The following GALC variants were observed in gnomAD, a reference collection of about 807,000 sequenced individuals.
GALC encodes the protein galactocerebrosidase.
In GALC, 77 loss-of-function variants were observed where a neutral mutation model predicts 91.8. The observed-to-expected ratio is 0.84, with a 90% CI of 0.70 to 1.01. The LOEUF (loss-of-function observed/expected upper bound fraction) is 1.01. Ranked by LOEUF, GALC falls within the 50% of genes least tolerant of loss-of-function variation. The pLI is 0.00. For synonymous variants in GALC, 357 were observed against 306.7 expected, an observed-to-expected ratio of 1.16 and a Z score of -1.71; for missense variants, 882 against 855.9, an observed-to-expected ratio of 1.03 and a Z score of -0.38.
intron 10 of GALC, chr14:87,955,020 C>A: frequency 7.3e-7 from 1 of 1,366,060 alleles, no homozygotes; most frequent in South Asian, 1.2e-5. Flanking sequence ...CCTCAGAGAT[C>A]ACCTATGGGA....
intron 16 of GALC, among the ~76,000 whole-genome samples, chr14:87,937,594 A>T (rs1336939427): frequency 6.6e-6 from 1 of 151,908 alleles, no homozygotes; most frequent in Non-Finnish European, 1.5e-5. Flanking sequence ...CATTGTATTA[A>T]AGACACACCA....
chr14:87,955,384 T>G (rs1885489594), intron 10 of GALC, among the ~76,000 whole-genome samples: 1 of 152,108 alleles, frequency 6.6e-6, no homozygotes, highest in Admixed American at 6.6e-5. Flanking sequence ...TTATTTTTGT[T>G]TTTTGGTTTC....
chr14:87,990,992 T>C (rs1887174405), intron 1 of GALC, among the ~76,000 whole-genome samples: 1 of 152,104 alleles, frequency 6.6e-6, no homozygotes, highest in South Asian at 2.1e-4. Context: ...CAAGACATCA[T>C]CCTAAGTACT....
At chr14:87,953,177 G>A in intron 10 of GALC, 1 of 1,475,244 alleles carries the variant, frequency 6.8e-7, no homozygotes, top group Non-Finnish European at 9.4e-7. Context: ...GCAGCAGTTA[G>A]GAAGGTCTCA....
chr14:87,980,064 G>C (rs983463144), intron 6 of GALC, among the ~76,000 whole-genome samples: 1 of 151,996 alleles, frequency 6.6e-6, no homozygotes, highest in Non-Finnish European at 1.5e-5. Flanking sequence ...CCTTCTCCAC[G>C]CCTACAACTA....
In GALC at chr14:87,950,753, A is replaced by G. The variant is rs2139963791; in HGVS notation, c.1162-5T>C. The G allele has an allele frequency of 1.7e-6, 2 of 1,207,912 alleles. No individual in the cohort carries two copies. The highest frequency in any genetic ancestry group is 2.1e-6 in the Non-Finnish European group (2 of 933,120). The allele number at this position is 1,207,912 out of a possible 1,614,324, so 74.8% of individuals were successfully genotyped here. ...GCACTTAGAATGTTTATGACTCTGA[A>G]AAAAAAAAATCACATACATTATCCA... On this transcript the variant is annotated splice_polypyrimidine_tract_variant and splice_region_variant and intron_variant, in intron 10 of 16. Transcript: ENST00000261304.
chr14:87,988,185 T>C lies in GALC; in HGVS notation c.287A>G (p.His96Arg), dbSNP rs748593957. The change falls in exon 3 of 17, where the codon CAT (histidine) becomes CGT (arginine). Residue 96 changes from histidine to arginine, a missense_variant. By Grantham distance (29) the His-to-Arg change is conservative. Coordinates refer to ENST00000261304, the MANE Select transcript of GALC (RefSeq NM_000153.4). ...ACCACCTATTTCCACTTTTAAAATA[T>C]GCAAAGAGGCACCAAAATTCGGCTG... The part of the protein sequence containing the change: ...LFKPNFGASL[H>R]ILKVEIGGDG... The C allele has an allele frequency of 5.6e-6, 9 of 1,613,814 alleles. No individual in the cohort carries two copies. In the South Asian group the frequency reaches 9.9e-5, roughly 18 times the overall value.
Position 87,936,342 on chromosome 14 carries a change from A to G in GALC, c.1912-1464T>C, listed in dbSNP as rs72629365. On this transcript the variant is annotated intron_variant, in intron 16 of 16. Coordinates refer to ENST00000261304, the MANE Select transcript of GALC (RefSeq NM_000153.4). ...TATTATCTCAGGATAGGGCTCAGCA[A>G]ACTATGACCTACATGCCAACCGCCC... Among the ~76,000 whole-genome samples, 1,625 of 152,132 alleles carry G rather than the reference A, an allele frequency of 0.011. 60 individuals are homozygous for G. In the East Asian group the frequency reaches 0.12, roughly 11 times the overall value.
chr14:87,953,250 T>A (rs1885385353), intron 10 of GALC: 1 of 1,506,470 alleles, frequency 6.6e-7, no homozygotes, highest in African/African-American at 1.4e-5. Flanking sequence ...AGGTTGCTTT[T>A]TTAGCTCAAA....
At chr14:87,966,012 T>C (rs1284534477) in intron 8 of GALC, among the ~76,000 whole-genome samples, 2 of 152,226 alleles carry the variant, frequency 1.3e-5, no homozygotes, top group Non-Finnish European at 2.9e-5. Flanking sequence ...GCCTTCTTAA[T>C]GCCCCAGTTT....
chr14:87,976,315 A>T, intron 7 of GALC, 43 bp downstream of exon 7: 1 of 1,609,540 alleles, frequency 6.2e-7, no homozygotes, highest in Non-Finnish European at 8.5e-7. Flanking sequence ...ACACAGAGCA[A>T]GCAATCAGAA....
intron 12 of GALC, 127 bp from the exon 13 acceptor site, chr14:87,948,005 T>G (rs947700645): frequency 6.0e-6 from 5 of 830,704 alleles, no homozygotes; most frequent in Non-Finnish European, 7.7e-6. Context: ...TCCTAAACAT[T>G]TGTGGAAAAC....
chr14:87,945,832 T>TTAAA (rs1885050838), intron 13 of GALC, 99 bp from the exon 14 acceptor site: 1 of 890,326 alleles, frequency 1.1e-6, no homozygotes. Flanking sequence ...CTGAAAGCTT[T>TTAAA]TAAATAAATA....
At chr14:87,952,424 G>A (rs74636131) in intron 10 of GALC, 55,303 of 434,698 alleles carry the variant, frequency 0.13, 4,225 homozygotes, top group Non-Finnish European at 0.16. Context: ...AAAAATAATG[G>A]AGGTTTTGGT....
intron 10 of GALC, among the ~76,000 whole-genome samples, chr14:87,956,937 G>T (rs1218823179): frequency 6.6e-6 from 1 of 150,860 alleles, no homozygotes; most frequent in Non-Finnish European, 1.5e-5. Flanking sequence ...ATTGTTTTTT[G>T]ATGTTTCTTA....
chr14:87,986,711 C>A (rs1886991412), intron 3 of GALC, 109 bp from the exon 4 acceptor site: 2 of 700,716 alleles, frequency 2.9e-6, no homozygotes, highest in Non-Finnish European at 2.6e-6. Context: ...AAGCAGTATT[C>A]CAGTTCTAAT....
At chr14:87,957,565 G>C (rs1885608972) in intron 10 of GALC, among the ~76,000 whole-genome samples, 2 of 152,062 alleles carry the variant, frequency 1.3e-5, no homozygotes, top group African/African-American at 4.8e-5. Context: ...AGATCAGTTG[G>C]TTTTAAGTAT....
At chr14:87,963,088 G>T (rs1885877446) in intron 10 of GALC, among the ~76,000 whole-genome samples, 1 of 152,136 alleles carries the variant, frequency 6.6e-6, no homozygotes. Flanking sequence ...ATCAGGGCAA[G>T]GGAAGGTCGT....
Position 87,963,527 on chromosome 14 carries a change from A to C in GALC, c.1034-16T>G. ...GTGGTATGAGCTATAGAAAAACAGA[A>C]AGTTCCAAATAAGACAAAAATGGTA... On this transcript the variant is annotated splice_polypyrimidine_tract_variant and intron_variant, in intron 9 of 16. Coordinates refer to ENST00000261304, the MANE Select transcript of GALC (RefSeq NM_000153.4). 1 of 1,610,000 alleles carries C rather than the reference A, an allele frequency of 6.2e-7. No individual in the cohort carries two copies. The highest frequency in any genetic ancestry group is 8.5e-7 in the Non-Finnish European group (1 of 1,176,800).
Sources: gnomAD v4.1 joint callset for allele counts (sites outside exome capture counted in the v4.1 genomes callset) on GRCh38, gnomAD v4.1.1 for gene constraint, MANE v1.5 for transcripts, NCBI Gene and HGNC (gene_info 2026-07-23, HGNC 2026-07-21) for gene names.